Variants in LAMA5 observed in about 807,000 individuals in gnomAD.
LAMA5 encodes laminin subunit alpha 5.
LAMA5 carries 260 observed loss-of-function variants against 433.4 expected under a neutral mutation model. That is an observed-to-expected ratio of 0.60 (90% CI 0.54 to 0.66). LAMA5 has a LOEUF of 0.66. Ranked by LOEUF, LAMA5 falls within the 30% of genes least tolerant of loss-of-function variation. The pLI is 0.00. For missense variants in LAMA5, 5,378 were observed against 5,258.5 expected (o/e 1.02, Z -0.70); for synonymous variants, 2,620 against 2,226.6 (o/e 1.18, Z -4.97).
chr20:62,310,648 G>A lies in LAMA5; in HGVS notation c.10446+17C>T, dbSNP rs1396752070. ...ACAGTGGGTGGGGAGTGGGGGCTGG[G>A]GCAAGATGGTTCTCACCGGAAGTTT... On this transcript the variant is annotated intron_variant, in intron 75 of 79. Coordinates refer to ENST00000252999, the MANE Select transcript of LAMA5 (RefSeq NM_005560.6). The A allele has an allele frequency of 6.3e-7, 1 of 1,599,034 alleles. No individual in the cohort carries two copies. Among genetic ancestry groups the A allele is most frequent in the Admixed American group, 1.7e-5 (1 of 59,292 alleles).
rs1004874286 is a variant in LAMA5 at position 62,367,092 on chromosome 20, G to T, written c.154C>A (p.Leu52Met). Residue 52 changes from leucine (L) to methionine (M), a missense_variant, in exon 1 of 80, where the codon CTG becomes ATG. Transcript: ENST00000252999. Reference sequence around the variant, plus strand: ...GCGGCGATGCGGGCGCCCTCGGCCAGGTTGAAGTAGGGCGGGTGCAGGCTG... The same window carrying T: ...GCGGCGATGCGGGCGCCCTCGGCCATGTTGAAGTAGGGCGGGTGCAGGCTG... ...GFSLHPPYFN[L>M]AEGARIAASA... is the part of the protein sequence containing the mutation. 1 of 1,275,196 alleles carries T rather than the reference G, an allele frequency of 7.8e-7. No homozygotes were observed. Among genetic ancestry groups the T allele is most frequent in the South Asian group, 2.9e-5 (1 of 35,034 alleles). The allele number at this position is 1,275,196 out of a possible 1,614,324, so 79.0% of individuals were successfully genotyped here.
At chr20:62,317,598 C>A in intron 54 of LAMA5, 64 bp downstream of exon 54, 1 of 1,518,426 alleles carries the variant, frequency 6.6e-7, no homozygotes, top group South Asian at 1.3e-5. Flanking sequence ...ACAAAGCTGC[C>A]CACGGGCCTG....
At chr20:62,331,531 G>A (rs899176618) in intron 28 of LAMA5, among the ~76,000 whole-genome samples, 7 of 152,074 alleles carry the variant, frequency 4.6e-5, no homozygotes, top group African/African-American at 1.7e-4. Flanking sequence ...CCTCCCATCC[G>A]TCACTGTTCC....
At chr20:62,315,606 G>C (rs184804982) in intron 58 of LAMA5, among the ~76,000 whole-genome samples, 1 of 152,124 alleles carries the variant, frequency 6.6e-6, no homozygotes, top group Non-Finnish European at 1.5e-5. Context: ...CCAAGGTCTT[G>C]CCAGCCCCTT....
At position 62,330,553 on chromosome 20, in the gene LAMA5, C is replaced by A; in HGVS notation, c.3914G>T (p.Gly1305Val). The A allele has an allele frequency of 6.3e-7, 1 of 1,588,588 alleles. No individual in the cohort carries two copies. Among genetic ancestry groups the A allele is most frequent in the African/African-American group, 1.3e-5 (1 of 74,884 alleles). ...GAAGGTGGGGTGGGCTGGCTGGTAG[C>A]CGTGCAGCAGGAAGGCATAGCGGCC... Reference protein sequence around the residue: ...TLGRYAFLLHGYQPAHPTFPV... With the variant: ...TLGRYAFLLHVYQPAHPTFPV... Residue 1305 changes from glycine to valine, a missense_variant, in exon 31 of 80, where the codon GGC (glycine) becomes GTC (valine). Coordinates refer to ENST00000252999, the MANE Select transcript of LAMA5 (RefSeq NM_005560.6).
chr20:62,344,059 G>A (rs1041340800), intron 11 of LAMA5, among the ~76,000 whole-genome samples: 8 of 147,438 alleles, frequency 5.4e-5, no homozygotes, highest in South Asian at 2.2e-4. Flanking sequence ...CAGAAGAATC[G>A]TTTGAACCTG....
At chr20:62,352,499 C>T (rs950801222) in intron 3 of LAMA5, 139 bp from the exon 4 acceptor site, 1 of 648,496 alleles carries the variant, frequency 1.5e-6, no homozygotes, top group Non-Finnish European at 2.7e-6. Context: ...GAGACCACAG[C>T]TCACTGGCTG....
At chr20:62,364,115 G>A (rs1001590938) in intron 1 of LAMA5, among the ~76,000 whole-genome samples, 1 of 152,182 alleles carries the variant, frequency 6.6e-6, no homozygotes, top group Admixed American at 6.5e-5. Flanking sequence ...AAGCATTCTC[G>A]TGGATGGGGC....
rs73613567 is a variant in LAMA5, at chr20:62,347,768, G to T, written c.957-740C>A. Reference sequence around the variant, plus strand: ...ATCAGGCTCTGCCGGAGGCTGCAGGGCCGTGCGTTCCCTGAGCAGGACCCC... The same window carrying T: ...ATCAGGCTCTGCCGGAGGCTGCAGGTCCGTGCGTTCCCTGAGCAGGACCCC... On this transcript the variant is annotated intron_variant, in intron 6 of 79. Transcript: ENST00000252999. 6.6e-5 allele frequency among the ~76,000 whole-genome samples: 10 copies of T among 152,338 alleles called. No individual in the cohort carries two copies. In the East Asian group the frequency reaches 1.7e-3, roughly 26 times the overall value.
chr20:62,340,305 GTTTTTT>G (rs34415039), intron 11 of LAMA5, among the ~76,000 whole-genome samples: 6 of 99,466 alleles, frequency 6.0e-5, no homozygotes, highest in East Asian at 3.4e-4. Flanking sequence ...AGCCTCCTTT[GTTTTTT>G]TTTTTTTTTT....
In LAMA5 at chr20:62,316,890, T is replaced by C; in HGVS notation, c.7645A>G (p.Thr2549Ala). The part of the protein sequence containing the change: ...AGQALQQADH[T>A]WATVVRQGLV... ...GAAGTGAGGGGCCTCACCGCCCACG[T>C]GTGGTCCGCCTGCTGCAGGGCCTGG... The change falls in exon 56 of 80, where the codon ACG (threonine) becomes GCG (alanine). Residue 2549 changes from threonine to alanine, a missense_variant. Transcript: ENST00000252999. 6.5e-7 allele frequency: 1 copy of C among 1,533,498 alleles called. No homozygotes were observed. The highest frequency in any genetic ancestry group is 2.0e-5 in the Admixed American group (1 of 49,822). The allele number at this position is 1,533,498 out of a possible 1,614,324, so 95.0% of individuals were successfully genotyped here. A position where few individuals can be genotyped will look rare whatever the true frequency, so the allele number is the denominator to read the frequency against.
intron 1 of LAMA5, among the ~76,000 whole-genome samples, chr20:62,363,249 A>C (rs566996688): frequency 3.3e-5 from 5 of 152,274 alleles, no homozygotes; most frequent in Admixed American, 3.3e-4. Flanking sequence ...GGACGTGTGG[A>C]CAGCGGCAGG....
intron 48 of LAMA5, among the ~76,000 whole-genome samples, chr20:62,321,487 G>A (rs867351776): frequency 1.0e-4 from 4 of 39,972 alleles, no homozygotes; most frequent in African/African-American, 1.6e-4. Context: ...GTGGAGGGGT[G>A]GGGTCAGTGG....
chr20:62,345,788 C>A, intron 11 of LAMA5, 30 bp downstream of exon 11: 2 of 1,522,100 alleles, frequency 1.3e-6, no homozygotes, highest in Non-Finnish European at 1.8e-6. Flanking sequence ...CAGGGCAGGC[C>A]GGGGACCTGG....
At position 62,336,778 on chromosome 20, in the gene LAMA5, A is replaced by T. The variant is rs1167886116; in HGVS notation, c.2173T>A (p.Cys725Ser). Residue 725 changes from cysteine to serine, a missense_variant, in exon 17 of 80, where the codon TGC becomes AGC. Physicochemically the swap from Cys to Ser is moderately radical, Grantham distance 112. Transcript: ENST00000252999. The stretch of plus-strand genomic sequence containing the variant: ...ACTGGGGCCAGACCGGCAGGGTGGC[A>T]AGAGCCAGCTGTGAAGAGAGGACCA... The part of the protein sequence containing the change: ...YNFPYCEAGS[C>S]HPAGLAPVDP... 1 of 1,612,714 alleles carries T rather than the reference A, an allele frequency of 6.2e-7. No homozygotes were observed. Among genetic ancestry groups the T allele is most frequent in the South Asian group, 1.1e-5 (1 of 91,066 alleles).
chr20:62,329,676 C>T lies in LAMA5; in HGVS notation c.4119+101G>A, dbSNP rs1464167692. 8 of 1,441,024 alleles carry T rather than the reference C, an allele frequency of 5.6e-6. No individual in the cohort carries two copies. In the East Asian group the frequency reaches 1.2e-4, roughly 22 times the overall value. The allele number at this position is 1,441,024 out of a possible 1,614,324, so 89.3% of individuals were successfully genotyped here. On this transcript the variant is annotated intron_variant, in intron 32 of 79. Transcript: ENST00000252999. ...CTTTGCTGGGCACAAGGCCAGGCCT[C>T]AGCAGGCCCAGAAGAGACAGACCCA...
intron 26 of LAMA5, 105 bp from the exon 27 acceptor site, chr20:62,332,822 C>G: frequency 7.1e-7 from 1 of 1,403,372 alleles, no homozygotes; most frequent in South Asian, 1.3e-5. Context: ...GCCCTTCAGC[C>G]GAGTCCCACC....
At position 62,334,273 on chromosome 20, in the gene LAMA5, AG is replaced by A; in HGVS notation, c.2651del (p.Pro884LeufsTer37). 6.2e-7 allele frequency: 1 copy of A among 1,612,304 alleles called. No homozygotes were observed. The highest frequency in any genetic ancestry group is 8.5e-7 in the Non-Finnish European group (1 of 1,179,648). ...AGCCAAAGCGCACGGCGTGACCCTC[AG>A]GTGTGGCAGCCTCCTCCAGCTCCAG... ...LRLELEEAAT[P>X]EGHAVRFGFN... On this transcript the variant is annotated frameshift_variant, in exon 22 of 80. Transcript: ENST00000252999. LOFTEE classifies it high-confidence loss of function.
chr20:62,312,442 C>G lies in LAMA5; in HGVS notation c.9318G>C (p.Leu3106=). Reference sequence around the variant, plus strand: ...AGCCGGCGCTCACGCCTGTCGTGTTCAGCCGCTTGAGGTCCACATACTTGC... The same window carrying G: ...AGCCGGCGCTCACGCCTGTCGTGTTGAGCCGCTTGAGGTCCACATACTTGC... The part of the protein sequence containing the change: ...ALGKYVDLKR[L]NTTGVSAGCT... Residue 3106 remains leucine (L), a synonymous_variant, in exon 68 of 80, where the codon CTG becomes CTC. Coordinates refer to ENST00000252999, the MANE Select transcript of LAMA5 (RefSeq NM_005560.6). 3.8e-6 allele frequency: 6 copies of G among 1,598,052 alleles called. No individual in the cohort carries two copies. The highest frequency in any genetic ancestry group is 5.1e-6 in the Non-Finnish European group (6 of 1,179,540).
Sources: gnomAD v4.1 joint callset for allele counts (sites outside exome capture counted in the v4.1 genomes callset) on GRCh38, gnomAD v4.1.1 for gene constraint, MANE v1.5 for transcripts, NCBI Gene and HGNC (gene_info 2026-07-23, HGNC 2026-07-21) for gene names.